SDK1: variants seen among roughly 807,000 people sequenced by gnomAD.
The protein encoded by SDK1 is protein sidekick-1.
A neutral mutation model predicts 245.5 loss-of-function variants in SDK1; 157 were observed. That is an observed-to-expected ratio of 0.64 (90% CI 0.56 to 0.73). The LOEUF (loss-of-function observed/expected upper bound fraction) is 0.73, where lower values mean the gene tolerates loss of function less well. SDK1 is among the 30% of genes least tolerant of loss of function. The pLI is 0.00. For missense variants in SDK1, 3,583 were observed against 3,002.3 expected (o/e 1.19, Z -4.52); for synonymous variants, 1,647 against 1,278.5 (o/e 1.29, Z -6.15).
intron 35 of SDK1, among the ~76,000 whole-genome samples, chr7:4,194,917 T>C (rs1783492191): frequency 6.6e-6 from 1 of 152,168 alleles, no homozygotes. Context: ...CTAAGAAAAT[T>C]ATAATAATTG....
At chr7:4,043,928 A>G (rs752469914) in intron 17 of SDK1, among the ~76,000 whole-genome samples, 7 of 151,876 alleles carry the variant, frequency 4.6e-5, no homozygotes, top group Admixed American at 1.3e-4. Flanking sequence ...TCTTTTCCCA[A>G]TAGCTCCTGG....
chr7:3,349,556 G>A (rs1780601675), intron 1 of SDK1, among the ~76,000 whole-genome samples: 2 of 152,176 alleles, frequency 1.3e-5, no homozygotes, highest in African/African-American at 4.8e-5. Flanking sequence ...TATGGGCAAG[G>A]AAACTGTGGA....
intron 44 of SDK1, among the ~76,000 whole-genome samples, chr7:4,260,230 A>G (rs1787896568): frequency 7.0e-6 from 1 of 143,342 alleles, no homozygotes; most frequent in African/African-American, 2.7e-5. Context: ...GTGTGTGGGA[A>G]GATGTGTTCA....
chr7:4,084,825 T>C (rs1413153702), intron 22 of SDK1, among the ~76,000 whole-genome samples: 1 of 152,116 alleles, frequency 6.6e-6, no homozygotes, highest in Non-Finnish European at 1.5e-5. Context: ...TGGAGTGCAA[T>C]GGCACGATCT....
chr7:4,071,231 G>A (rs1332321614), intron 20 of SDK1, among the ~76,000 whole-genome samples: 2 of 151,348 alleles, frequency 1.3e-5, no homozygotes, highest in Admixed American at 6.6e-5. Flanking sequence ...TACCATATTG[G>A]TAAGGCTGGT....
chr7:3,968,091 T>C (rs550953775), intron 10 of SDK1, among the ~76,000 whole-genome samples: 1 of 152,396 alleles, frequency 6.6e-6, no homozygotes, highest in East Asian at 1.9e-4. Flanking sequence ...GTCACTCTGC[T>C]AGCACTCACT....
Position 4,266,537 on chromosome 7 carries a change from C to G in SDK1, c.*1153C>G. 1 of 984,924 alleles carries G rather than the reference C, an allele frequency of 1.0e-6. No individual in the cohort carries two copies. Among genetic ancestry groups the G allele is most frequent in the Middle Eastern group, 5.2e-4 (1 of 1,912 alleles). The allele number at this position is 984,924 out of a possible 1,614,324, so 61.0% of individuals were successfully genotyped here. A position where few individuals can be genotyped will look rare whatever the true frequency, so the allele number is the denominator to read the frequency against. ...GCTGCCCCCTCTCCCAGTCCGAGGC[C>G]AGCTTTTAGCCTTAACAGGTTTTTT... On this transcript the variant is annotated 3_prime_UTR_variant, in exon 45 of 45. Transcript: ENST00000404826.
At position 4,003,546 on chromosome 7, in the gene SDK1, T is replaced by A. The variant is rs373731794; in HGVS notation, c.2132-7420T>A. Among the ~76,000 whole-genome samples the A allele has an allele frequency of 1.2e-4, 19 of 152,300 alleles. 1 individual carries two copies. In the East Asian group the frequency reaches 1.5e-3, roughly 12 times the overall value. On this transcript the variant is annotated intron_variant, in intron 14 of 44. Transcript: ENST00000404826. ...TTTGTAGAACGTCACTCAATCGGGA[T>A]TTGTCTGATGTTCTTCTCTTAGCTA...
chr7:3,303,197 G>A (rs1252160982), intron 1 of SDK1, among the ~76,000 whole-genome samples: 1 of 152,144 alleles, frequency 6.6e-6, no homozygotes, highest in Non-Finnish European at 1.5e-5. Context: ...TTTGCTTAAT[G>A]ACTTACTCTG....
chr7:4,189,154 G>A (rs1774384103), intron 35 of SDK1, among the ~76,000 whole-genome samples: 1 of 152,158 alleles, frequency 6.6e-6, no homozygotes, highest in South Asian at 2.1e-4. Flanking sequence ...GTCTATTCAT[G>A]CTTGCTCCCG....
At chr7:3,393,081 C>G (rs957846758) in intron 1 of SDK1, among the ~76,000 whole-genome samples, 1 of 145,076 alleles carries the variant, frequency 6.9e-6, no homozygotes, top group Admixed American at 7.4e-5. Flanking sequence ...AGCGATTGTC[C>G]TGTCTCAGTC....
At chr7:3,668,116 T>C (rs915092742) in intron 4 of SDK1, among the ~76,000 whole-genome samples, 1 of 152,206 alleles carries the variant, frequency 6.6e-6, no homozygotes, top group Non-Finnish European at 1.5e-5. Flanking sequence ...ATGGCAGTTT[T>C]AGACATGCAA....
intron 1 of SDK1, among the ~76,000 whole-genome samples, chr7:3,324,327 T>C (rs891635377): frequency 2.0e-5 from 3 of 152,204 alleles, no homozygotes; most frequent in Non-Finnish European, 2.9e-5. Flanking sequence ...CACATGTAAT[T>C]AATACCCAAA....
chr7:3,377,747 T>G (rs1055640271), intron 1 of SDK1, among the ~76,000 whole-genome samples: 4 of 152,074 alleles, frequency 2.6e-5, no homozygotes, highest in African/African-American at 7.2e-5. Flanking sequence ...GCCACGCTGT[T>G]CCAAACTATA....
intron 4 of SDK1, among the ~76,000 whole-genome samples, chr7:3,699,302 A>G (rs1187787111): frequency 6.6e-6 from 1 of 152,220 alleles, no homozygotes; most frequent in Non-Finnish European, 1.5e-5. Context: ...GATGATACAG[A>G]TGTTAGAGAT....
chr7:3,660,480 G>C (rs1233031496), intron 4 of SDK1, among the ~76,000 whole-genome samples: 1 of 152,166 alleles, frequency 6.6e-6, no homozygotes, highest in Non-Finnish European at 1.5e-5. Flanking sequence ...AGTGGAGAGA[G>C]AGAGAAAGAG....
intron 1 of SDK1, among the ~76,000 whole-genome samples, chr7:3,318,582 C>T (rs893822713): frequency 5.3e-5 from 8 of 152,170 alleles, no homozygotes; most frequent in Non-Finnish European, 1.2e-4. Flanking sequence ...TTACTTGTTT[C>T]GTGACCTTTT....
chr7:3,753,057 G>T (rs1446971826), intron 4 of SDK1, among the ~76,000 whole-genome samples: 1 of 152,164 alleles, frequency 6.6e-6, no homozygotes, highest in Non-Finnish European at 1.5e-5. Context: ...AAGGCACTGA[G>T]ATCTTTCAAT....
intron 4 of SDK1, among the ~76,000 whole-genome samples, chr7:3,650,014 GAAAA>G (rs35857495): frequency 7.0e-5 from 10 of 143,262 alleles, no homozygotes; most frequent in Non-Finnish European, 1.4e-4. Context: ...TTTTTGTTTT[GAAAA>G]AAAAAAAAAG....
Sources: allele counts gnomAD v4.1 joint callset (sites outside exome capture counted in the v4.1 genomes callset), GRCh38; gene constraint gnomAD v4.1.1; transcripts MANE v1.5; gene names NCBI Gene and HGNC (gene_info 2026-07-23, HGNC 2026-07-21).